ITPR1: variants seen among roughly 807,000 people sequenced by gnomAD.
ITPR1 encodes inositol 1,4,5-trisphosphate receptor type 1, also known as inositol 1,4,5-trisphosphate-gated calcium channel ITPR1.
ITPR1 carries 96 observed loss-of-function variants against 318.4 expected under a neutral mutation model. The observed-to-expected ratio is 0.30, with a 90% CI of 0.26 to 0.36. ITPR1 has a LOEUF of 0.36. ITPR1 is among the 10% of genes least tolerant of loss of function. The pLI, the probability that ITPR1 is intolerant of heterozygous loss-of-function variation, is 1.00. For missense variants in ITPR1, 2,440 were observed against 3,460.2 expected (o/e 0.71, Z 7.40); for synonymous variants, 1,312 against 1,289.9 (o/e 1.02, Z -0.37).
chr3:4,778,394 G>A (rs1444285072), intron 48 of ITPR1, among the ~76,000 whole-genome samples: 1 of 152,180 alleles, frequency 6.6e-6, no homozygotes, highest in African/African-American at 2.4e-5. Context: ...TAGAACTACA[G>A]GGTTTTGGCT....
rs1165755243 is a variant in ITPR1 at position 4,699,945 on chromosome 3, A to G, written c.4536+4A>G. The G allele has an allele frequency of 6.2e-7, 1 of 1,611,866 alleles. No individual in the cohort carries two copies. The highest frequency in any genetic ancestry group is 8.5e-7 in the Non-Finnish European group (1 of 1,178,130). ...AGACCAGAGTACGACTTTGCAGGTA[A>G]GAAATAACCAACGTCAAGCAGAATG... On this transcript the variant is annotated splice_donor_region_variant and intron_variant, in intron 35 of 61. Transcript: ENST00000649015.
At chr3:4,695,386 G>T (rs1292829108) in intron 33 of ITPR1, among the ~76,000 whole-genome samples, 1 of 151,850 alleles carries the variant, frequency 6.6e-6, no homozygotes, top group East Asian at 1.9e-4. Flanking sequence ...GCATTAGTTT[G>T]TTTTTTACTC....
intron 41 of ITPR1, among the ~76,000 whole-genome samples, chr3:4,726,440 TG>T (rs931639864): frequency 3.3e-5 from 5 of 152,180 alleles, no homozygotes; most frequent in Admixed American, 3.3e-4. Context: ...AGAAGCTTTT[TG>T]GGGAGACATA....
chr3:4,501,324 G>C (rs902493180), intron 2 of ITPR1, among the ~76,000 whole-genome samples: 6 of 152,228 alleles, frequency 3.9e-5, no homozygotes, highest in African/African-American at 1.4e-4. Context: ...CTGAGCTGCA[G>C]TCAAAAGTTT....
intron 42 of ITPR1, among the ~76,000 whole-genome samples, chr3:4,732,886 A>G (rs1008332298): frequency 6.6e-6 from 1 of 152,342 alleles, no homozygotes; most frequent in South Asian, 2.1e-4. Flanking sequence ...TTAGATTGCT[A>G]CCGTTTTTTA....
intron 7 of ITPR1, 138 bp from the exon 8 acceptor site, chr3:4,643,998 G>A (rs531420938): frequency 1.1e-5 from 7 of 635,138 alleles, no homozygotes; most frequent in Admixed American, 4.3e-5. Context: ...GGCGTGGTGT[G>A]TGCTACATCT....
chr3:4,775,542 C>T, intron 47 of ITPR1, 100 bp downstream of exon 47: 2 of 867,400 alleles, frequency 2.3e-6, no homozygotes, highest in East Asian at 2.4e-5. Flanking sequence ...GCCTGTTGGC[C>T]TAGGGAGTCA....
intron 4 of ITPR1, among the ~76,000 whole-genome samples, chr3:4,539,804 G>T (rs1481996299): frequency 1.3e-5 from 2 of 152,106 alleles, no homozygotes; most frequent in East Asian, 3.8e-4. Context: ...ATCGCCATGG[G>T]ATACCCTGTG....
At chr3:4,720,237 CA>C (rs1322922709) in intron 40 of ITPR1, among the ~76,000 whole-genome samples, 2 of 152,064 alleles carry the variant, frequency 1.3e-5, no homozygotes, top group Non-Finnish European at 2.9e-5. Context: ...GGCAAAGGGA[CA>C]ATAATACAGA....
rs761780523 is a variant in ITPR1 at position 4,699,834 on chromosome 3, A to G, written c.4429A>G (p.Arg1477Gly). 6.2e-7 allele frequency: 1 copy of G among 1,613,916 alleles called. No homozygotes were observed. Among genetic ancestry groups the G allele is most frequent in the Non-Finnish European group, 8.5e-7 (1 of 1,179,814 alleles). The change falls in exon 35 of 62, where the codon AGG becomes GGG. Residue 1477 changes from arginine to glycine, a missense_variant. Physicochemically the swap from Arg to Gly is moderately radical, Grantham distance 125. Coordinates refer to ENST00000649015, the MANE Select transcript of ITPR1 (RefSeq NM_001378452.1). ...ICRACNNTSD[R>G]KHADSILEKY... ...CCAGGCCTGTAACAACACTAGTGAC[A>G]GGAAACATGCAGACTCGATTTTGGA...
chr3:4,609,641 A>G (rs1221823593), intron 4 of ITPR1, among the ~76,000 whole-genome samples: 1 of 150,002 alleles, frequency 6.7e-6, no homozygotes, highest in Non-Finnish European at 1.5e-5. Flanking sequence ...GCTGGGTCAC[A>G]ACGTATTCAA....
chr3:4,569,509 T>C (rs972392405), intron 4 of ITPR1, among the ~76,000 whole-genome samples: 1 of 152,226 alleles, frequency 6.6e-6, no homozygotes, highest in Non-Finnish European at 1.5e-5. Context: ...GCTTGTGCAT[T>C]GCTGATTCTC....
At chr3:4,701,093 A>G (rs750372148) in intron 35 of ITPR1, among the ~76,000 whole-genome samples, 8 of 152,158 alleles carry the variant, frequency 5.3e-5, no homozygotes, top group Non-Finnish European at 8.8e-5. Context: ...TTGCGTTTGG[A>G]TGGTTAGCAG....
chr3:4,561,522 A>G (rs978330887), intron 4 of ITPR1, among the ~76,000 whole-genome samples: 4 of 152,190 alleles, frequency 2.6e-5, no homozygotes, highest in Admixed American at 2.0e-4. Context: ...GAAACTCACT[A>G]CATTTCTAGG....
chr3:4,590,756 G>A lies in ITPR1; in HGVS notation c.164-37007G>A, dbSNP rs547510430. On this transcript the variant is annotated intron_variant, in intron 4 of 61. Coordinates refer to ENST00000649015, the MANE Select transcript of ITPR1 (RefSeq NM_001378452.1). ...TTTTAGGTTTGGGGGTACATGTGAA[G>A]CATGGGAAGATTTGTCACATAGACA... is the stretch of plus-strand genomic sequence containing the variant. Among the ~76,000 whole-genome samples the A allele has an allele frequency of 2.6e-5, 4 of 151,970 alleles. No homozygotes were observed. In the South Asian group the frequency reaches 8.3e-4, roughly 32 times the overall value.
chr3:4,675,039 C>T (rs898036673), intron 22 of ITPR1, 29 bp from the exon 23 acceptor site: 11 of 1,281,674 alleles, frequency 8.6e-6, no homozygotes, highest in African/African-American at 1.5e-5. Context: ...TATGTAATAC[C>T]GTCTTCTTCT....
intron 11 of ITPR1, among the ~76,000 whole-genome samples, chr3:4,652,461 A>G (rs1350126133): frequency 6.6e-6 from 1 of 152,182 alleles, no homozygotes; most frequent in Non-Finnish European, 1.5e-5. Context: ...TTAGAAGATC[A>G]TGCCGATCTA....
chr3:4,692,145 GA>G (rs34301060), intron 32 of ITPR1, among the ~76,000 whole-genome samples: 1 of 143,374 alleles, frequency 7.0e-6, no homozygotes, highest in Admixed American at 6.9e-5. Flanking sequence ...TTGTCTCTTA[GA>G]AAAAAAATAA....
intron 5 of ITPR1, among the ~76,000 whole-genome samples, chr3:4,634,229 T>C (rs754883226): frequency 4.5e-4 from 68 of 152,260 alleles, no homozygotes; most frequent in African/African-American, 1.1e-3. Context: ...TCTTTTTTTT[T>C]TGAGACAGTC....
Sources: allele counts gnomAD v4.1 joint callset (sites outside exome capture counted in the v4.1 genomes callset), GRCh38; gene constraint gnomAD v4.1.1; transcripts MANE v1.5; gene names NCBI Gene and HGNC (gene_info 2026-07-23, HGNC 2026-07-21).